KIF26A: variants seen among roughly 807,000 people sequenced by gnomAD.
KIF26A encodes the protein kinesin-like protein KIF26A.
KIF26A carries 74 observed loss-of-function variants against 126.0 expected under a neutral mutation model. The observed-to-expected ratio is 0.59, with a 90% confidence interval of 0.49 to 0.71. The LOEUF (loss-of-function observed/expected upper bound fraction) is 0.71, where lower values mean the gene tolerates loss of function less well. KIF26A is among the 30% of genes least tolerant of loss of function. The pLI is 0.00. For missense variants in KIF26A, 2,984 were observed against 2,763.3 expected (o/e 1.08, Z -1.79); for synonymous variants, 1,445 against 1,232.7 (o/e 1.17, Z -3.61).
chr14:104,143,099 A>G (rs1339715367), intron 2 of KIF26A, among the ~76,000 whole-genome samples: 1 of 152,202 alleles, frequency 6.6e-6, no homozygotes, highest in East Asian at 1.9e-4. Flanking sequence ...CCGGTGCTGA[A>G]TTGATTATCG....
intron 2 of KIF26A, among the ~76,000 whole-genome samples, chr14:104,144,549 C>T (rs1424318956): frequency 3.9e-5 from 6 of 152,208 alleles, no homozygotes; most frequent in African/African-American, 1.4e-4. Context: ...CTTAAGTACC[C>T]TGGAAGGATC....
At chr14:104,157,665 G>A (rs2037792557) in intron 3 of KIF26A, 90 bp from the exon 4 acceptor site, 5 of 1,387,146 alleles carry the variant, frequency 3.6e-6, no homozygotes, top group Middle Eastern at 1.8e-4. Context: ...GCTCTGGGGT[G>A]CCCAGGCCTG....
intron 4 of KIF26A, among the ~76,000 whole-genome samples, chr14:104,158,707 G>T (rs977729785): frequency 1.1e-4 from 17 of 152,186 alleles, no homozygotes; most frequent in African/African-American, 4.1e-4. Context: ...GTGTGGATGG[G>T]GTGGGCCAGG....
In KIF26A at chr14:104,175,058, T is replaced by G. The variant is rs1388508625; in HGVS notation, c.2270T>G (p.Phe757Cys). ...RARRPPHLRP[F>C]HPRTVALDPD... is the part of the protein sequence containing the mutation. ...CGTCGGCCCCCGCACCTGCGGCCCTTCCACCCACGCACTGTGGCCCTGGAC... is the reference window on the plus strand; with the variant it reads ...CGTCGGCCCCCGCACCTGCGGCCCTGCCACCCACGCACTGTGGCCCTGGAC... Residue 757 changes from phenylalanine to cysteine, a missense_variant, in exon 12 of 15, where the codon TTC becomes TGC. Phe to Cys is a radical substitution (Grantham distance 205). Transcript: ENST00000423312. 1 of 1,583,620 alleles carries G rather than the reference T, an allele frequency of 6.3e-7. No homozygotes were observed. The highest frequency in any genetic ancestry group is 2.3e-5 in the East Asian group (1 of 43,228).
intron 2 of KIF26A, among the ~76,000 whole-genome samples, chr14:104,150,758 C>T (rs12588775): frequency 0.075 from 11,472 of 152,300 alleles, 505 homozygotes; most frequent in East Asian, 0.11. Flanking sequence ...GGCCAGCCAT[C>T]GAGCCAGGGA....
At chr14:104,179,208 C>A (rs1237501339) in intron 13 of KIF26A, 28 bp from the exon 14 acceptor site, 1 of 1,435,770 alleles carries the variant, frequency 7.0e-7, no homozygotes, top group Non-Finnish European at 9.1e-7. Context: ...GGTCCCATGC[C>A]TGAGCCCCCG....
Position 104,152,476 on chromosome 14 carries a change from C to T in KIF26A, c.735+15C>T. The T allele has an allele frequency of 6.5e-7, 1 of 1,538,070 alleles. No individual in the cohort carries two copies. Among genetic ancestry groups the T allele is most frequent in the African/African-American group, 1.4e-5 (1 of 72,708 alleles). The stretch of plus-strand genomic sequence containing the variant: ...CGGCGTGCCTGGTGAGTGTCTTGCT[C>T]AGCGGATGGGAGCTGCTGGCCTCCT... On this transcript the variant is annotated intron_variant, in intron 3 of 14. Coordinates refer to ENST00000423312, the MANE Select transcript of KIF26A (RefSeq NM_015656.2). The surrounding 1 kb of genome is among the most constrained non-coding windows in gnomAD (Gnocchi z 5.9).
At chr14:104,164,336 C>T (rs1056456111) in intron 4 of KIF26A, among the ~76,000 whole-genome samples, 1 of 152,116 alleles carries the variant, frequency 6.6e-6, no homozygotes, top group Non-Finnish European at 1.5e-5. Flanking sequence ...CCACACCCTT[C>T]GCCGGGTGGC....
chr14:104,170,849 G>T (rs2037950127), intron 5 of KIF26A, among the ~76,000 whole-genome samples: 3 of 152,252 alleles, frequency 2.0e-5, no homozygotes, highest in Admixed American at 6.5e-5. Context: ...CCCTCTCAGG[G>T]TACTGGGGCT....
intron 3 of KIF26A, among the ~76,000 whole-genome samples, chr14:104,155,072 G>A (rs2037763846): frequency 6.6e-6 from 1 of 152,180 alleles, no homozygotes; most frequent in African/African-American, 2.4e-5. Flanking sequence ...CGCCCCATGG[G>A]GCTCTGCAGG....
rs1234535838 is a variant in KIF26A, at chr14:104,175,508, C to T, written c.2720C>T (p.Thr907Ile). 9.4e-6 allele frequency: 15 copies of T among 1,597,200 alleles called. No individual in the cohort carries two copies. The highest frequency in any genetic ancestry group is 5.0e-5 in the Admixed American group (3 of 59,552). Reference protein sequence around the residue: ...STPRGSSGPDTHQGTPEPCKA... With the variant: ...STPRGSSGPDIHQGTPEPCKA... ...CCTCGAGGCAGTTCTGGTCCAGACA[C>T]CCACCAGGGTACCCCTGAGCCCTGC... The change falls in exon 12 of 15, where the codon ACC (threonine) becomes ATC (isoleucine). Residue 907 changes from threonine to isoleucine, a missense_variant. Physicochemically the swap from Thr to Ile is moderately conservative, Grantham distance 89 (BLOSUM62 -1). Transcript: ENST00000423312.
chr14:104,172,300 G>A (rs2037967610), intron 6 of KIF26A, among the ~76,000 whole-genome samples: 1 of 152,264 alleles, frequency 6.6e-6, no homozygotes, highest in African/African-American at 2.4e-5. Context: ...CTCTGCGCGT[G>A]GTGGTCTGCC....
At chr14:104,171,494 T>C (rs1268849140) in intron 5 of KIF26A, among the ~76,000 whole-genome samples, 1 of 152,220 alleles carries the variant, frequency 6.6e-6, no homozygotes, top group African/African-American at 2.4e-5. Context: ...GCTGACAGGC[T>C]GTGCACCGGC....
At chr14:104,172,372 T>G (rs575343808) in intron 6 of KIF26A, among the ~76,000 whole-genome samples, 1 of 152,326 alleles carries the variant, frequency 6.6e-6, no homozygotes, top group African/African-American at 2.4e-5. Flanking sequence ...GTCTGGCCAG[T>G]CCCTCCTACG....
At position 104,175,287 on chromosome 14, in the gene KIF26A, A is replaced by G. The variant is rs754976787; in HGVS notation, c.2499A>G (p.Ala833=). The G allele has an allele frequency of 6.2e-6, 10 of 1,605,328 alleles. No homozygotes were observed. The highest frequency in any genetic ancestry group is 8.5e-6 in the Non-Finnish European group (10 of 1,179,620). ...RHRPSKGPRD[A]DHFRCSTFAE... ...GGCCCTCCAAGGGTCCCCGAGACGC[A>G]GACCACTTCCGCTGCAGCACCTTCG... Residue 833 remains alanine (A), a synonymous_variant, in exon 12 of 15, where the codon GCA becomes GCG. Transcript: ENST00000423312.
chr14:104,152,019 C>G lies in KIF26A; in HGVS notation c.293C>G (p.Pro98Arg). 11 of 1,612,630 alleles carry G rather than the reference C, an allele frequency of 6.8e-6. No individual in the cohort carries two copies. Among genetic ancestry groups the G allele is most frequent in the Non-Finnish European group, 8.5e-6 (10 of 1,179,744 alleles). ...VSGPGTTLRD[P>R]CLSALLLDKL... Reference sequence around the variant, plus strand: ...TTTGTCCCTTGCTGTCCTCAGGATCCTTGCCTCTCTGCCCTGCTTCTCGAC... The same window carrying G: ...TTTGTCCCTTGCTGTCCTCAGGATCGTTGCCTCTCTGCCCTGCTTCTCGAC... The change falls in exon 3 of 15, where the codon CCT (proline) becomes CGT (arginine). Residue 98 changes from proline to arginine, a missense_variant. Transcript: ENST00000423312. This position sits in a 1 kb window ranked among gnomAD's most constrained non-coding sequence, Gnocchi z 5.9.
chr14:104,175,314 G>A lies in KIF26A; in HGVS notation c.2526G>A (p.Ala842=), dbSNP rs1246658439. ...ACCACTTCCGCTGCAGCACCTTCGC[G>A]GAGCTGCAGGAGCGGCTGGAATGCA... ...DADHFRCSTF[A]ELQERLECMD... is the part of the protein sequence containing the mutation. The change falls in exon 12 of 15, where the codon GCG becomes GCA. Residue 842 remains alanine (A), a synonymous_variant. Coordinates refer to ENST00000423312, the MANE Select transcript of KIF26A (RefSeq NM_015656.2). 8 of 1,604,182 alleles carry A rather than the reference G, an allele frequency of 5.0e-6. No homozygotes were observed. Among genetic ancestry groups the A allele is most frequent in the African/African-American group, 2.7e-5 (2 of 75,052 alleles).
intron 4 of KIF26A, among the ~76,000 whole-genome samples, chr14:104,165,615 C>CTCTATGCATGTGTGTGTCTGTGTT (rs2037886119): frequency 3.0e-5 from 4 of 135,164 alleles, no homozygotes; most frequent in African/African-American, 1.3e-4. Context: ...GTGTCTCTGT[C>CTCTATGCATGTGTGTGTCTGTGTT]TCTGTATGCA....
intron 3 of KIF26A, among the ~76,000 whole-genome samples, chr14:104,153,475 A>G (rs867661651): frequency 1.9e-4 from 22 of 113,040 alleles, no homozygotes; most frequent in Admixed American, 3.5e-4. Flanking sequence ...CCCAGAGCTG[A>G]ACCCCACCCT....
Sources: allele counts gnomAD v4.1 joint callset (sites outside exome capture counted in the v4.1 genomes callset), GRCh38; gene constraint gnomAD v4.1.1; non-coding constraint Gnocchi (gnomAD v3.1); transcripts MANE v1.5; gene names NCBI Gene and HGNC (gene_info 2026-07-23, HGNC 2026-07-21).